PDE4D: variants seen among roughly 807,000 people sequenced by gnomAD.
PDE4D encodes the protein 3',5'-cyclic-AMP phosphodiesterase 4D.
A neutral mutation model predicts 87.4 loss-of-function variants in PDE4D; 24 were observed. That is an observed-to-expected ratio of 0.27 (90% CI 0.20 to 0.39). PDE4D has a LOEUF of 0.39. Ranked by LOEUF, PDE4D falls within the 10% of genes least tolerant of loss-of-function variation. The pLI is 1.00. For missense variants in PDE4D, 714 were observed against 1,041.0 expected (o/e 0.69, Z 4.32); for synonymous variants, 384 against 383.2 (o/e 1.00, Z -0.02).
chr5:60,182,707 T>C (rs556225841), intron 2 of PDE4D, among the ~76,000 whole-genome samples: 2 of 152,006 alleles, frequency 1.3e-5, no homozygotes, highest in Admixed American at 6.5e-5. Context: ...TGAAACCCTG[T>C]CTCTACTAAA....
intron 1 of PDE4D, among the ~76,000 whole-genome samples, chr5:59,525,095 G>A (rs781338590): frequency 2.6e-4 from 39 of 152,324 alleles, no homozygotes; most frequent in Non-Finnish European, 4.6e-4. Context: ...TGTGAGAAGA[G>A]GGCAACCATC....
At chr5:59,287,370 G>A (rs891282240) in intron 1 of PDE4D, among the ~76,000 whole-genome samples, 1 of 152,012 alleles carries the variant, frequency 6.6e-6, no homozygotes, top group Non-Finnish European at 1.5e-5. Context: ...TTTGTCTTGT[G>A]ACTTGGGTGC....
chr5:59,018,990 T>C (rs533912453), intron 6 of PDE4D, among the ~76,000 whole-genome samples: 11 of 151,302 alleles, frequency 7.3e-5, no homozygotes, highest in Non-Finnish European at 1.6e-4. Flanking sequence ...AACTGAAAGC[T>C]TATAGGGCAT....
In PDE4D at chr5:59,389,820, G is replaced by A. The variant is rs543492405; in HGVS notation, c.456-173852C>T. On this transcript the variant is annotated intron_variant, in intron 1 of 14. Transcript: ENST00000340635. ...AAACAGTGGATCTCTTGGAGGTAGA[G>A]AGTAGAATGATGGTTACCAGAGGCT... 4.2e-4 allele frequency among the ~76,000 whole-genome samples: 64 copies of A among 152,226 alleles called. 1 individual carries two copies. The highest frequency in any genetic ancestry group is 1.5e-3 in the African/African-American group (63 of 41,562).
chr5:59,257,168 T>C (rs1761134696), intron 1 of PDE4D, among the ~76,000 whole-genome samples: 1 of 152,098 alleles, frequency 6.6e-6, no homozygotes, highest in Non-Finnish European at 1.5e-5. Context: ...ATTTTGCTGT[T>C]TTGTGACCAA....
At chr5:60,147,891 G>A in intron 2 of PDE4D, 3 of 423,588 alleles carry the variant, frequency 7.1e-6, no homozygotes, top group South Asian at 5.1e-5. Flanking sequence ...TGGAGAAAGA[G>A]AAACTGTAAC....
intron 2 of PDE4D, among the ~76,000 whole-genome samples, chr5:60,043,099 T>C (rs1768712984): frequency 6.6e-6 from 1 of 150,498 alleles, no homozygotes; most frequent in Admixed American, 6.6e-5. Context: ...GAGAAGAATA[T>C]AAACGACCTG....
intron 1 of PDE4D, among the ~76,000 whole-genome samples, chr5:59,833,994 G>C (rs1404781430): frequency 6.6e-6 from 1 of 151,928 alleles, no homozygotes; most frequent in Non-Finnish European, 1.5e-5. Context: ...ATAATTGGAA[G>C]AAAAAAATCA....
intron 1 of PDE4D, among the ~76,000 whole-genome samples, chr5:59,387,007 A>G (rs1241193769): frequency 6.6e-6 from 1 of 152,284 alleles, no homozygotes; most frequent in South Asian, 2.1e-4. Context: ...TAATGTAAAA[A>G]AATCTCATTT....
chr5:59,431,159 C>T (rs1173510004), intron 1 of PDE4D, among the ~76,000 whole-genome samples: 1 of 152,050 alleles, frequency 6.6e-6, no homozygotes, highest in Non-Finnish European at 1.5e-5. Flanking sequence ...GCACTTTGAA[C>T]GAAGATCTAT....
At chr5:59,004,978 A>C (rs955308574) in intron 6 of PDE4D, among the ~76,000 whole-genome samples, 1 of 152,226 alleles carries the variant, frequency 6.6e-6, no homozygotes, top group Non-Finnish European at 1.5e-5. Context: ...GTATCTTATT[A>C]TGTCCCTGTA....
In PDE4D at chr5:60,046,738, G is replaced by GGCCCA. The variant is rs1193677520; in HGVS notation, c.43-58022_43-58021insTGGGC. Among the ~76,000 whole-genome samples the GGCCCA allele has an allele frequency of 2.6e-5, 4 of 152,288 alleles. No individual in the cohort carries two copies. The East Asian group carries it at 7.7e-4, about 29-fold the overall frequency. Reference sequence around the variant, plus strand: ...AGGCCCACTTGATCATGGTGGATAAGCTTTTTGATGTGCTGCTGGATTTGG... The same window carrying GGCCCA: ...AGGCCCACTTGATCATGGTGGATAAGGCCCACTTTTTGATGTGCTGCTGGATTTGG... On this transcript the variant is annotated intron_variant, in intron 2 of 16. Coordinates refer to the PDE4D transcript ENST00000502484.
rs965215706 is a variant in PDE4D, at chr5:60,320,468, C to T, written c.-89-134781G>A. Among the ~76,000 whole-genome samples the T allele has an allele frequency of 3.9e-5, 6 of 152,178 alleles. 1 individual carries two copies. The highest frequency in any genetic ancestry group is 7.3e-5 in the Non-Finnish European group (5 of 68,032). ...GCCTCGCCCTGCTTTGGCTCACACT[C>T]GGTGCACTGCACCCACTGTCCTGCA... On this transcript the variant is annotated intron_variant, in intron 1 of 16. Transcript: ENST00000502484.
intron 1 of PDE4D, among the ~76,000 whole-genome samples, chr5:60,446,380 G>C (rs1426992549): frequency 6.6e-6 from 1 of 152,128 alleles, no homozygotes; most frequent in Non-Finnish European, 1.5e-5. Flanking sequence ...CTAAGTTAAT[G>C]TTATTTAACC....
chr5:59,381,591 T>A (rs2153603102), intron 1 of PDE4D, among the ~76,000 whole-genome samples: 1 of 152,324 alleles, frequency 6.6e-6, no homozygotes, highest in East Asian at 1.9e-4. Flanking sequence ...TATATACTAA[T>A]GAAAGCACGG....
intron 3 of PDE4D, among the ~76,000 whole-genome samples, chr5:59,986,027 A>G (rs988628670): frequency 2.0e-5 from 3 of 152,246 alleles, no homozygotes; most frequent in Non-Finnish European, 4.4e-5. Context: ...GACATAGACA[A>G]TTCGGAACCC....
chr5:59,828,407 T>C, intron 1 of PDE4D, among the ~76,000 whole-genome samples: 1 of 152,048 alleles, frequency 6.6e-6, no homozygotes, highest in East Asian at 1.9e-4. Flanking sequence ...AATGTGAGGG[T>C]ATAAAATACA....
At chr5:60,356,118 A>T (rs1046414314) in intron 1 of PDE4D, among the ~76,000 whole-genome samples, 1 of 152,164 alleles carries the variant, frequency 6.6e-6, no homozygotes, top group Non-Finnish European at 1.5e-5. Context: ...GGGGTCCATA[A>T]TTAACTGGTC....
At chr5:59,096,230 A>G (rs1451771497) in intron 5 of PDE4D, among the ~76,000 whole-genome samples, 1 of 152,154 alleles carries the variant, frequency 6.6e-6, no homozygotes, top group Admixed American at 6.5e-5. Context: ...TGTTTTTAGC[A>G]CTGCTCCCCT....
Sources: gnomAD v4.1 joint callset for allele counts (sites outside exome capture counted in the v4.1 genomes callset) on GRCh38, gnomAD v4.1.1 for gene constraint, MANE v1.5 for transcripts, NCBI Gene and HGNC (gene_info 2026-07-23, HGNC 2026-07-21) for gene names.